Variants in FAM234A observed in about 807,000 individuals in gnomAD.
The protein encoded by FAM234A is family with sequence similarity 234 member A.
A neutral mutation model predicts 49.1 loss-of-function variants in FAM234A; 42 were observed. The observed-to-expected ratio is 0.86, with a 90% CI of 0.67 to 1.11. The LOEUF (loss-of-function observed/expected upper bound fraction) is 1.11, where lower values mean the gene tolerates loss of function less well. Among genes scored for constraint, FAM234A ranks in the 50% least tolerant of loss-of-function variants. FAM234A has a pLI of 0.00. For synonymous variants in FAM234A, 369 were observed against 316.2 expected (o/e 1.17, Z -1.77); for missense variants, 815 against 745.2 (o/e 1.09, Z -1.09).
Position 263,789 on chromosome 16 carries a change from C to G in FAM234A, c.1188+14C>G, listed in dbSNP as rs764037976. 1 of 1,603,372 alleles carries G rather than the reference C, an allele frequency of 6.2e-7. No homozygotes were observed. Among genetic ancestry groups the G allele is most frequent in the Non-Finnish European group, 8.5e-7 (1 of 1,170,244 alleles). On this transcript the variant is annotated intron_variant, in intron 10 of 12. Transcript: ENST00000399932. ...ACCGACAGACAGGTTCGTTGTTCTT[C>G]CTTCGGAGGTGGCACCTTTGTTCTT...
chr16:263,311 G>C lies in FAM234A; in HGVS notation c.1021G>C (p.Asp341His). Residue 341 changes from aspartate (D) to histidine (H), a missense_variant, in exon 9 of 13, where the codon GAT becomes CAT. Coordinates refer to ENST00000399932, the MANE Select transcript of FAM234A (RefSeq NM_032039.4). ...GCATGTCCCAGGGAACGCCGGTGCA[G>C]ATGTGCTTCTTGTGGGCTCAGAGGC... ...LMHVPGNAGADVLLVGSEAFV... is the reference protein window; with the variant it reads ...LMHVPGNAGAHVLLVGSEAFV... 3 of 1,613,280 alleles carry C rather than the reference G, an allele frequency of 1.9e-6. No individual in the cohort carries two copies. Among genetic ancestry groups the C allele is most frequent in the Non-Finnish European group, 2.5e-6 (3 of 1,180,010 alleles).
At chr16:266,751 C>G (rs928375861), downstream of FAM234A, among the ~76,000 whole-genome samples, 1 of 151,426 alleles carries the variant, frequency 6.6e-6, no homozygotes, top group Non-Finnish European at 1.5e-5. Flanking sequence ...AGTAACTCAG[C>G]CCAGAAGGCC....
chr16:251,926 G>C (rs1158105258), intron 2 of FAM234A, among the ~76,000 whole-genome samples: 1 of 149,578 alleles, frequency 6.7e-6, no homozygotes, highest in Non-Finnish European at 1.5e-5. Context: ...TGGTGTGAAC[G>C]GGGGAGGCAG....
rs1218379247 is a variant in FAM234A at position 265,120 on chromosome 16, C to T, written c.*98C>T. The T allele has an allele frequency of 1.6e-5, 23 of 1,477,910 alleles. No individual in the cohort carries two copies. The highest frequency in any genetic ancestry group is 2.0e-5 in the Non-Finnish European group (22 of 1,119,512). The allele number at this position is 1,477,910 out of a possible 1,614,324, so 91.5% of individuals were successfully genotyped here. On this transcript the variant is annotated 3_prime_UTR_variant, in exon 13 of 13. Transcript: ENST00000399932. ...CTGGGTCTCTGCACTGACTCCCCCA[C>T]TCCTGACCCTGGTGATGGTCGCCAC...
intron 1 of FAM234A, chr16:248,330 T>C (rs1190676492): frequency 6.6e-6 from 1 of 152,068 alleles, no homozygotes; most frequent in Non-Finnish European, 1.5e-5. Flanking sequence ...GACAGTACTT[T>C]CTCTGTCCCT....
At chr16:260,263 A>T (rs1268034000) in intron 5 of FAM234A, 103 bp downstream of exon 5, 11 of 1,089,038 alleles carry the variant, frequency 1.0e-5, no homozygotes, top group Non-Finnish European at 1.4e-5. Context: ...CAGCCCTGTG[A>T]TCTTGAGGGT....
intron 1 of FAM234A, among the ~76,000 whole-genome samples, chr16:247,374 G>A (rs2050849127): frequency 6.6e-6 from 1 of 150,604 alleles, no homozygotes; most frequent in South Asian, 2.1e-4. Flanking sequence ...AGCTTTCCAT[G>A]CGCCTCGGCC....
At chr16:245,696 G>C (rs1321336932) in intron 1 of FAM234A, among the ~76,000 whole-genome samples, 4 of 152,018 alleles carry the variant, frequency 2.6e-5, no homozygotes, top group Admixed American at 1.3e-4. Flanking sequence ...ATCTGTGAAT[G>C]TTTTAAGAAA....
At chr16:235,719 A>G (rs974906730) in intron 1 of FAM234A, among the ~76,000 whole-genome samples, 2 of 152,216 alleles carry the variant, frequency 1.3e-5, no homozygotes, top group Non-Finnish European at 2.9e-5. Context: ...GAATAACTCA[A>G]CAAATACTCT....
At chr16:259,082 A>G (rs1389676606) in intron 3 of FAM234A, among the ~76,000 whole-genome samples, 1 of 152,146 alleles carries the variant, frequency 6.6e-6, no homozygotes, top group African/African-American at 2.4e-5. Flanking sequence ...TGCCCGGCCA[A>G]CTTCACTCTT....
At chr16:263,927 C>A in intron 10 of FAM234A, 89 bp from the exon 11 acceptor site, 3 of 1,480,244 alleles carry the variant, frequency 2.0e-6, no homozygotes, top group Non-Finnish European at 2.8e-6. Flanking sequence ...CCAGGGCTGG[C>A]ATGGCTGAGG....
intron 10 of FAM234A, 26 bp from the exon 11 acceptor site, chr16:263,990 C>T (rs1596856747): frequency 6.2e-7 from 1 of 1,600,874 alleles, no homozygotes; most frequent in South Asian, 1.1e-5. Context: ...CCACGTTGGC[C>T]CCCACAGTGT....
intron 3 of FAM234A, among the ~76,000 whole-genome samples, 180 bp downstream of exon 3, chr16:254,861 C>A (rs567242589): frequency 1.3e-5 from 2 of 152,138 alleles, no homozygotes; most frequent in Admixed American, 6.6e-5. Context: ...ATAGACCAGC[C>A]TTTTTATTTT....
Position 254,462 on chromosome 16 carries a change from G to GAAGA in FAM234A, c.56_59dup (p.Ser21LysfsTer13). 5.6e-6 allele frequency: 9 copies of GAAGA among 1,614,212 alleles called. No homozygotes were observed. The highest frequency in any genetic ancestry group is 7.6e-6 in the Non-Finnish European group (9 of 1,180,034). ...GGCCGAAATCCACCCCTTGAAAAAT[G>GAAGA]AAGAAAGAAAATCGCAGGAAAATCT... is the stretch of plus-strand genomic sequence containing the variant. On this transcript the variant is annotated frameshift_variant, in exon 3 of 13. Transcript: ENST00000399932. LOFTEE classifies it high-confidence loss of function.
At chr16:254,075 G>A (rs2051128388) in intron 2 of FAM234A, 1 of 343,794 alleles carries the variant, frequency 2.9e-6, no homozygotes, top group Non-Finnish European at 5.5e-6. Context: ...ACACTGCCCT[G>A]GAGCTCATTG....
At chr16:251,393 G>C (rs1475564816) in intron 2 of FAM234A, among the ~76,000 whole-genome samples, 1 of 149,930 alleles carries the variant, frequency 6.7e-6, no homozygotes, top group African/African-American at 2.5e-5. Flanking sequence ...TGTTTTTTTT[G>C]AGATGGGGTC....
intron 1 of FAM234A, among the ~76,000 whole-genome samples, chr16:245,163 G>A (rs539259779): frequency 2.0e-5 from 3 of 151,972 alleles, no homozygotes; most frequent in South Asian, 4.2e-4. Context: ...CCTGGGCAAC[G>A]TGGCGAAACT....
At chr16:257,272 CT>C (rs1399774347) in intron 3 of FAM234A, among the ~76,000 whole-genome samples, 2 of 102,794 alleles carry the variant, frequency 1.9e-5, no homozygotes, top group Non-Finnish European at 3.5e-5. Flanking sequence ...TGGAGACAGT[CT>C]TGCTCTGTCA....
downstream of FAM234A, chr16:268,670 T>G (rs1040837713): frequency 6.4e-6 from 8 of 1,246,674 alleles, no homozygotes; most frequent in Admixed American, 1.6e-4. Flanking sequence ...GGCGCACCTG[T>G]GGACAAATTC....
Sources: allele counts gnomAD v4.1 joint callset (sites outside exome capture counted in the v4.1 genomes callset), GRCh38; gene constraint gnomAD v4.1.1; transcripts MANE v1.5; gene names NCBI Gene and HGNC (gene_info 2026-07-23, HGNC 2026-07-21).